CNTN5: variants seen among roughly 807,000 people sequenced by gnomAD.
The protein encoded by CNTN5 is contactin-5.
A neutral mutation model predicts 129.1 loss-of-function variants in CNTN5; 77 were observed. That is an observed-to-expected ratio of 0.60 (90% CI 0.50 to 0.72). The LOEUF is 0.72. CNTN5 is among the 30% of genes least tolerant of loss of function. The pLI is 0.00. For missense variants in CNTN5, 1,478 were observed against 1,328.8 expected (o/e 1.11, Z -1.75); for synonymous variants, 509 against 465.6 (o/e 1.09, Z -1.20).
intron 3 of CNTN5, among the ~76,000 whole-genome samples, chr11:99,741,613 T>A (rs1209404111): frequency 1.3e-5 from 2 of 152,170 alleles, no homozygotes; most frequent in Non-Finnish European, 2.9e-5. Flanking sequence ...AACTGTTCAA[T>A]GAAGTTAACC....
intron 10 of CNTN5, among the ~76,000 whole-genome samples, chr11:100,066,671 A>G (rs372024668): frequency 3.2e-4 from 49 of 152,072 alleles, no homozygotes; most frequent in African/African-American, 1.1e-3. Flanking sequence ...TAGATTTTAA[A>G]AAGTTATTAG....
chr11:99,576,422 G>C (rs1239953047), intron 3 of CNTN5, among the ~76,000 whole-genome samples: 2 of 152,108 alleles, frequency 1.3e-5, no homozygotes, highest in African/African-American at 2.4e-5. Flanking sequence ...CATATACTTG[G>C]ATATTTTCTC....
intron 2 of CNTN5, among the ~76,000 whole-genome samples, chr11:99,326,037 C>A (rs1185553128): frequency 6.6e-6 from 1 of 152,190 alleles, no homozygotes; most frequent in East Asian, 1.9e-4. Context: ...GCTCCGCATT[C>A]TTACATATTT....
chr11:99,290,659 A>G (rs1565466232), intron 1 of CNTN5, among the ~76,000 whole-genome samples: 1 of 152,022 alleles, frequency 6.6e-6, no homozygotes, highest in East Asian at 1.9e-4. Flanking sequence ...ATGAGACTAC[A>G]TTTCCAAAAT....
chr11:100,101,139 AG>A (rs1262575017), intron 13 of CNTN5, among the ~76,000 whole-genome samples: 1 of 152,144 alleles, frequency 6.6e-6, no homozygotes, highest in African/African-American at 2.4e-5. Flanking sequence ...TCATACCTTT[AG>A]AATACAGGAT....
intron 1 of CNTN5, among the ~76,000 whole-genome samples, chr11:99,034,316 A>G (rs1271318696): frequency 5.9e-5 from 9 of 151,794 alleles, no homozygotes; most frequent in Non-Finnish European, 7.4e-5. Flanking sequence ...CTCTTTTTCT[A>G]TTGATTGGAA....
At chr11:99,398,793 T>C (rs1410590285) in intron 2 of CNTN5, among the ~76,000 whole-genome samples, 1 of 151,932 alleles carries the variant, frequency 6.6e-6, no homozygotes, top group Non-Finnish European at 1.5e-5. Context: ...TTGGCGATTA[T>C]GAATAAAGCT....
At chr11:99,640,712 G>C (rs564697303) in intron 3 of CNTN5, among the ~76,000 whole-genome samples, 21 of 152,274 alleles carry the variant, frequency 1.4e-4, no homozygotes, top group Middle Eastern at 3.4e-3. Context: ...AGAAGCAATA[G>C]GCTATACCAT....
intron 6 of CNTN5, among the ~76,000 whole-genome samples, chr11:99,913,397 A>G (rs1276194869): frequency 6.6e-6 from 1 of 152,046 alleles, no homozygotes; most frequent in Non-Finnish European, 1.5e-5. Context: ...AGAAATGTAC[A>G]TACCCCATGA....
chr11:100,054,382 C>A (rs1410558777), intron 9 of CNTN5, among the ~76,000 whole-genome samples: 1 of 151,790 alleles, frequency 6.6e-6, no homozygotes, highest in African/African-American at 2.4e-5. Flanking sequence ...TGCATTCTTT[C>A]TATTTTCATT....
At chr11:99,690,440 C>G (rs987556770) in intron 3 of CNTN5, among the ~76,000 whole-genome samples, 1 of 152,022 alleles carries the variant, frequency 6.6e-6, no homozygotes, top group African/African-American at 2.4e-5. Context: ...GGCTATCTGG[C>G]TATTCGGGCT....
At chr11:99,137,446 C>A (rs931083085) in intron 1 of CNTN5, among the ~76,000 whole-genome samples, 1 of 151,946 alleles carries the variant, frequency 6.6e-6, no homozygotes, top group African/African-American at 2.4e-5. Context: ...GCTCATTATA[C>A]GAGGTAGTTT....
At chr11:99,506,919 T>C (rs553102380) in intron 2 of CNTN5, among the ~76,000 whole-genome samples, 33 of 152,314 alleles carry the variant, frequency 2.2e-4, no homozygotes, top group African/African-American at 7.9e-4. Context: ...GAGACAATTG[T>C]ATTTATTTAA....
intron 21 of CNTN5, among the ~76,000 whole-genome samples, chr11:100,339,960 A>G (rs1173272767): frequency 6.6e-6 from 1 of 152,084 alleles, no homozygotes; most frequent in African/African-American, 2.4e-5. Context: ...CTGTTTCTCT[A>G]CATTCAAACC....
At chr11:99,329,914 G>GACACACAC (rs58544462) in intron 2 of CNTN5, among the ~76,000 whole-genome samples, 22 of 140,378 alleles carry the variant, frequency 1.6e-4, no homozygotes, top group Admixed American at 2.9e-4. Flanking sequence ...TACAAGCAGT[G>GACACACAC]ACACACACAC....
chr11:100,257,784 G>A (rs541383750), intron 17 of CNTN5, among the ~76,000 whole-genome samples: 26 of 152,138 alleles, frequency 1.7e-4, no homozygotes, highest in Admixed American at 7.2e-4. Context: ...CCCATCCAAA[G>A]GTCACCAACA....
intron 3 of CNTN5, among the ~76,000 whole-genome samples, chr11:99,586,100 T>A (rs114193318): frequency 1.5e-3 from 227 of 152,274 alleles, no homozygotes; most frequent in African/African-American, 4.9e-3. Flanking sequence ...CCGTTCCAAA[T>A]GGCCTCATGT....
At chr11:100,286,530 C>T (rs1216080) in intron 18 of CNTN5, among the ~76,000 whole-genome samples, 1 of 138,138 alleles carries the variant, frequency 7.2e-6, no homozygotes, top group Admixed American at 7.3e-5. Context: ...TTCCAACAGA[C>T]CTGCAGCTGA....
At chr11:99,070,023 C>G (rs1374001867) in intron 1 of CNTN5, among the ~76,000 whole-genome samples, 1 of 152,172 alleles carries the variant, frequency 6.6e-6, no homozygotes, top group Non-Finnish European at 1.5e-5. Flanking sequence ...ACACTGGTTT[C>G]TCTCTTCAGG....
Sources: gnomAD v4.1 joint callset for allele counts (sites outside exome capture counted in the v4.1 genomes callset) on GRCh38, gnomAD v4.1.1 for gene constraint, MANE v1.5 for transcripts, NCBI Gene and HGNC (gene_info 2026-07-23, HGNC 2026-07-21) for gene names.